FBXO32: variants seen among roughly 807,000 people sequenced by gnomAD.
FBXO32 encodes F-box protein 32, also known as F-box only protein 32.
Under a neutral mutation model 48.3 loss-of-function variants are expected in FBXO32, and 15 were observed. That is an observed-to-expected ratio of 0.31 (90% CI 0.21 to 0.48). The LOEUF is 0.48. FBXO32 is among the 20% of genes least tolerant of loss of function. The pLI is 0.99. For missense variants in FBXO32, 309 were observed against 432.7 expected, an observed-to-expected ratio of 0.71 and a Z score of 2.54; for synonymous variants, 154 against 165.9, an observed-to-expected ratio of 0.93 and a Z score of 0.55.
intron 4 of FBXO32, among the ~76,000 whole-genome samples, chr8:123,526,521 C>T (rs1006344015): frequency 6.6e-6 from 1 of 152,118 alleles, no homozygotes; most frequent in Non-Finnish European, 1.5e-5. Context: ...GCCACCACAC[C>T]CAGCCCATGA....
At chr8:123,523,164 C>A (rs1291761533) in intron 4 of FBXO32, among the ~76,000 whole-genome samples, 1 of 152,184 alleles carries the variant, frequency 6.6e-6, no homozygotes, top group Non-Finnish European at 1.5e-5. Context: ...TATAAATACT[C>A]TTGGGAGCAT....
chr8:123,529,437 T>C (rs1817155104), intron 4 of FBXO32, among the ~76,000 whole-genome samples: 1 of 152,232 alleles, frequency 6.6e-6, no homozygotes, highest in East Asian at 1.9e-4. Flanking sequence ...TAGATTCTAG[T>C]GTCCAAAGTA....
intron 3 of FBXO32, 29 bp downstream of exon 3, chr8:123,533,162 A>G: frequency 6.4e-7 from 1 of 1,574,102 alleles, no homozygotes; most frequent in Non-Finnish European, 8.7e-7. Context: ...AAGGTTCAGT[A>G]TAACTTAGTA....
intron 4 of FBXO32, among the ~76,000 whole-genome samples, chr8:123,531,578 T>C (rs368076400): frequency 6.6e-5 from 10 of 152,360 alleles, no homozygotes; most frequent in Admixed American, 5.2e-4. Context: ...TGTGACATGT[T>C]CCCACGTATC....
intron 6 of FBXO32, among the ~76,000 whole-genome samples, chr8:123,508,352 A>G (rs1297134768): frequency 6.6e-6 from 1 of 152,136 alleles, no homozygotes; most frequent in Non-Finnish European, 1.5e-5. Flanking sequence ...GGGAGGGAGC[A>G]GTGGCAAGGG....
Position 123,540,429 on chromosome 8 carries a change from C to A in FBXO32, c.116+470G>T, listed in dbSNP as rs573319963. 2.6e-4 allele frequency among the ~76,000 whole-genome samples: 39 copies of A among 152,354 alleles called. 1 individual carries two copies. The South Asian group carries it at 2.9e-3, about 11-fold the overall frequency. On this transcript the variant is annotated intron_variant, in intron 1 of 8. Transcript: ENST00000517956. This position sits in a 1 kb window ranked among gnomAD's most constrained non-coding sequence, Gnocchi z 6.4. Reference sequence around the variant, plus strand: ...GGGCCTGGAAGCGCTCCAGGCGGGACCTTCGTCGGATCCCGTCACCTGTCG... The same window carrying A: ...GGGCCTGGAAGCGCTCCAGGCGGGAACTTCGTCGGATCCCGTCACCTGTCG...
At chr8:123,530,621 CT>C (rs753829611) in intron 4 of FBXO32, among the ~76,000 whole-genome samples, 11 of 152,088 alleles carry the variant, frequency 7.2e-5, no homozygotes, top group Non-Finnish European at 1.2e-4. Context: ...TGCTCATTAA[CT>C]TTTTCTTTTT....
At chr8:123,532,172 T>C in intron 3 of FBXO32, 182 bp from the exon 4 acceptor site, 1 of 1,374,212 alleles carries the variant, frequency 7.3e-7, no homozygotes, top group East Asian at 2.9e-5. Flanking sequence ...CCAAGATGGG[T>C]AACACAGCCA....
In FBXO32 at chr8:123,501,124, G is replaced by T. The variant is rs950030982; in HGVS notation, c.*2249C>A. The T allele has an allele frequency of 6.6e-6, 1 of 152,182 alleles. No homozygotes were observed. Among genetic ancestry groups the T allele is most frequent in the African/African-American group, 2.4e-5 (1 of 41,432 alleles). 9.4% of individuals were successfully genotyped at this position (152,182 alleles called of 1,614,324 possible). ...CTACTTTCTTGATCAGCATGAAGGG[G>T]CAGAGATCACCAGTTGGTGGCAACA... On this transcript the variant is annotated 3_prime_UTR_variant, in exon 9 of 9. Transcript: ENST00000517956.
chr8:123,535,826 G>GTTTTTTTTT lies in FBXO32; in HGVS notation c.117-1013_117-1012insAAAAAAAAA, dbSNP rs149011780. On this transcript the variant is annotated intron_variant, in intron 1 of 8. Transcript: ENST00000517956. ...GCCAACTGGTAAAACATAAATTAGG[G>GTTTTTTTTT]GTTTTTTTTTTTTTGCTATACCACC... Among the ~76,000 whole-genome samples the GTTTTTTTTT allele has an allele frequency of 3.7e-5, 5 of 133,518 alleles. 1 individual carries two copies. The highest frequency in any genetic ancestry group is 2.2e-4 in the South Asian group (1 of 4,550). 87.6% of individuals were successfully genotyped at this position (133,518 alleles called of 152,430 possible). A position where few individuals can be genotyped will look rare whatever the true frequency, so the allele number is the denominator to read the frequency against.
chr8:123,531,931 A>G lies in FBXO32; in HGVS notation c.339T>C (p.Ile113=). The change falls in exon 4 of 9, where the codon ATT becomes ATC. Residue 113 remains isoleucine (I), a synonymous_variant. Transcript: ENST00000517956. ...AFNRLDFSTA[I]LDSRRFNYVV... ...CGTAGTTAAATCTTCTGGAATCCAG[A>G]ATGGCAGTTGAGAAGTCCAGTCTGT... The G allele has an allele frequency of 6.2e-7, 1 of 1,614,184 alleles. No homozygotes were observed. Among genetic ancestry groups the G allele is most frequent in the Non-Finnish European group, 8.5e-7 (1 of 1,180,020 alleles).
rs1401028102 is a variant in FBXO32 at position 123,498,906 on chromosome 8, A to T, written c.*4467T>A. The T allele has an allele frequency of 2.6e-5, 4 of 152,230 alleles. No individual in the cohort carries two copies. Among genetic ancestry groups the T allele is most frequent in the Admixed American group, 2.0e-4 (3 of 15,288 alleles). 9.4% of individuals were successfully genotyped at this position (152,230 alleles called of 1,614,324 possible). A position where few individuals can be genotyped will look rare whatever the true frequency, so the allele number is the denominator to read the frequency against. ...CATTAAGTGGCTCCTTAACTTCTCCAGTAAGAATCAGGGACTTGAAATGGA... is the reference window on the plus strand; with the variant it reads ...CATTAAGTGGCTCCTTAACTTCTCCTGTAAGAATCAGGGACTTGAAATGGA... On this transcript the variant is annotated 3_prime_UTR_variant, in exon 9 of 9. Coordinates refer to ENST00000517956, the MANE Select transcript of FBXO32 (RefSeq NM_058229.4).
chr8:123,520,335 G>A (rs1816926753), intron 4 of FBXO32, among the ~76,000 whole-genome samples: 1 of 152,186 alleles, frequency 6.6e-6, no homozygotes, highest in Admixed American at 6.5e-5. Flanking sequence ...GAAGGGGAAG[G>A]AGGAGGAGGC....
intron 8 of FBXO32, among the ~76,000 whole-genome samples, chr8:123,504,292 A>C (rs995168104): frequency 1.3e-5 from 2 of 152,156 alleles, no homozygotes; most frequent in Admixed American, 6.5e-5. Context: ...AAAATTTTAT[A>C]AGTCTGGAAA....
chr8:123,524,795 G>A (rs867507593), intron 4 of FBXO32, among the ~76,000 whole-genome samples: 2 of 152,260 alleles, frequency 1.3e-5, no homozygotes, highest in Non-Finnish European at 1.5e-5. Context: ...TCGGATTACA[G>A]GTGTGAGCCA....
At chr8:123,532,286 T>C in intron 3 of FBXO32, 1 of 829,256 alleles carries the variant, frequency 1.2e-6, no homozygotes, top group East Asian at 6.4e-5. Flanking sequence ...TCTGGAAAAA[T>C]CATAAGTAAT....
intron 4 of FBXO32, among the ~76,000 whole-genome samples, chr8:123,524,278 C>T (rs1186762054): frequency 1.3e-5 from 2 of 152,148 alleles, no homozygotes; most frequent in Non-Finnish European, 2.9e-5. Context: ...CTGTGAGTGT[C>T]CCCCACTTCC....
chr8:123,536,158 T>C (rs887098355), intron 1 of FBXO32, among the ~76,000 whole-genome samples: 1 of 152,218 alleles, frequency 6.6e-6, no homozygotes. Flanking sequence ...AGGACAAACA[T>C]GATAAATAAT....
In FBXO32 at chr8:123,540,711, G is replaced by A. The variant is rs1817393827; in HGVS notation, c.116+188C>T. ...CTGACCTTGAACAATAAGAGAAACC[G>A]AATTCCCTGTCTCCGGTGGTCCGAA... On this transcript the variant is annotated intron_variant, in intron 1 of 8. Transcript: ENST00000517956. This position sits in a 1 kb window ranked among gnomAD's most constrained non-coding sequence, Gnocchi z 6.4. Among the ~76,000 whole-genome samples, 1 of 152,178 alleles carries A rather than the reference G, an allele frequency of 6.6e-6. No individual in the cohort carries two copies. The highest frequency in any genetic ancestry group is 1.5e-5 in the Non-Finnish European group (1 of 68,018).
Sources: gnomAD v4.1 joint callset for allele counts (sites outside exome capture counted in the v4.1 genomes callset) on GRCh38, gnomAD v4.1.1 for gene constraint, Gnocchi (gnomAD v3.1) non-coding constraint, MANE v1.5 for transcripts, NCBI Gene and HGNC (gene_info 2026-07-23, HGNC 2026-07-21) for gene names.